The following AK7 variants were observed in gnomAD, a reference collection of about 807,000 sequenced individuals.
AK7 encodes adenylate kinase 7.
Under a neutral mutation model 96.6 loss-of-function variants are expected in AK7, and 78 were observed. The ratio of observed to expected loss-of-function variants is 0.81; its 90% CI spans 0.67 to 0.97. The LOEUF is 0.97. AK7 is among the 50% of genes least tolerant of loss of function. AK7 has a pLI of 0.00. For synonymous variants in AK7, 302 were observed against 317.2 expected (o/e 0.95, Z 0.51); for missense variants, 855 against 887.9 (o/e 0.96, Z 0.47).
chr14:96,402,217 ACAATTC>A (rs1890455940), intron 2 of AK7, among the ~76,000 whole-genome samples: 1 of 149,098 alleles, frequency 6.7e-6, no homozygotes, highest in African/African-American at 2.5e-5. Flanking sequence ...ACACACACAC[ACAATTC>A]TTCTTAGTAT....
At chr14:96,484,424 A>G (rs1380984518) in intron 16 of AK7, among the ~76,000 whole-genome samples, 1 of 152,212 alleles carries the variant, frequency 6.6e-6, no homozygotes, top group Non-Finnish European at 1.5e-5. Context: ...TCCAAACTGC[A>G]GACCCACTAT....
At chr14:96,479,961 A>G (rs1895421335) in intron 15 of AK7, among the ~76,000 whole-genome samples, 1 of 152,140 alleles carries the variant, frequency 6.6e-6, no homozygotes, top group Non-Finnish European at 1.5e-5. Flanking sequence ...AGCTAATTCC[A>G]ATTGTGGCTG....
At chr14:96,436,799 T>A (rs1892661846) in intron 5 of AK7, among the ~76,000 whole-genome samples, 1 of 152,154 alleles carries the variant, frequency 6.6e-6, no homozygotes, top group African/African-American at 2.4e-5. Context: ...TCTCTGGGAC[T>A]CCAGGGATGG....
intron 2 of AK7, among the ~76,000 whole-genome samples, chr14:96,401,467 G>A (rs187054224): frequency 2.2e-4 from 33 of 152,276 alleles, no homozygotes; most frequent in Middle Eastern, 3.4e-3. Context: ...GTCTTCCGTG[G>A]TTGAGTGGAG....
At chr14:96,440,356 C>G (rs1892898197) in intron 6 of AK7, among the ~76,000 whole-genome samples, 1 of 152,182 alleles carries the variant, frequency 6.6e-6, no homozygotes, top group Non-Finnish European at 1.5e-5. Flanking sequence ...CCATTCTCAG[C>G]TACTTCTCAC....
intron 12 of AK7, 107 bp downstream of exon 12, chr14:96,458,319 G>T: frequency 1.4e-6 from 2 of 1,405,704 alleles, no homozygotes; most frequent in Non-Finnish European, 1.9e-6. Flanking sequence ...ACTACAGGCG[G>T]GCGCCATGGC....
chr14:96,415,060 T>C (rs1566767955), intron 4 of AK7, among the ~76,000 whole-genome samples: 1 of 151,688 alleles, frequency 6.6e-6, no homozygotes, highest in Non-Finnish European at 1.5e-5. Flanking sequence ...TGGCTGAAGA[T>C]AAGGCTTTCA....
intron 15 of AK7, among the ~76,000 whole-genome samples, chr14:96,482,589 C>T (rs1352408995): frequency 6.6e-6 from 1 of 152,110 alleles, no homozygotes; most frequent in Non-Finnish European, 1.5e-5. Flanking sequence ...AAATGTATCC[C>T]AGTATCATTG....
At chr14:96,468,885 G>A (rs753268090) in intron 12 of AK7, among the ~76,000 whole-genome samples, 4 of 151,640 alleles carry the variant, frequency 2.6e-5, no homozygotes, top group African/African-American at 7.3e-5. Flanking sequence ...ATGTAGGAGG[G>A]CTGTGCTCAT....
intron 14 of AK7, among the ~76,000 whole-genome samples, chr14:96,476,698 T>C (rs1361724033): frequency 1.3e-5 from 2 of 152,128 alleles, no homozygotes; most frequent in African/African-American, 4.8e-5. Flanking sequence ...CTCTGAGTCA[T>C]AAAGAGAATG....
chr14:96,395,002 C>G (rs935331222), intron 1 of AK7, among the ~76,000 whole-genome samples: 1 of 152,072 alleles, frequency 6.6e-6, no homozygotes, highest in East Asian at 1.9e-4. Flanking sequence ...ATAGAGAAGA[C>G]AGTCGAAACT....
At chr14:96,480,017 C>T (rs537040960) in intron 15 of AK7, among the ~76,000 whole-genome samples, 1 of 152,270 alleles carries the variant, frequency 6.6e-6, no homozygotes, top group African/African-American at 2.4e-5. Context: ...ATCAGGCTTG[C>T]AGGATTGTTA....
chr14:96,436,183 G>A (rs955010406), intron 5 of AK7, among the ~76,000 whole-genome samples: 1 of 152,098 alleles, frequency 6.6e-6, no homozygotes, highest in Non-Finnish European at 1.5e-5. Context: ...CAAGAAATGA[G>A]CCCTTTAGGC....
chr14:96,469,348 C>T (rs1241274663), intron 12 of AK7, among the ~76,000 whole-genome samples: 1 of 152,138 alleles, frequency 6.6e-6, no homozygotes, highest in Admixed American at 6.5e-5. Flanking sequence ...TGGCAAAACC[C>T]TGTCCCTACT....
intron 5 of AK7, among the ~76,000 whole-genome samples, chr14:96,435,036 A>G (rs1011305160): frequency 2.0e-5 from 3 of 152,118 alleles, no homozygotes; most frequent in Non-Finnish European, 4.4e-5. Flanking sequence ...AGGTCCAGAA[A>G]TGCCATTCAA....
rs1050431889 is a variant in AK7, at chr14:96,437,922, C to T, written c.690+7C>T. On this transcript the variant is annotated splice_region_variant and intron_variant, in intron 6 of 17. Transcript: ENST00000267584. ...GTTACACACATTTTTTAAGGTATGG[C>T]TTTCAATGATGACGTGGAATGTTTA... 6.2e-7 allele frequency: 1 copy of T among 1,610,500 alleles called. No individual in the cohort carries two copies. Among genetic ancestry groups the T allele is most frequent in the Admixed American group, 1.7e-5 (1 of 59,746 alleles).
At chr14:96,434,912 C>T (rs1892558921) in intron 5 of AK7, among the ~76,000 whole-genome samples, 2 of 152,158 alleles carry the variant, frequency 1.3e-5, no homozygotes, top group South Asian at 2.1e-4. Flanking sequence ...GCTGATGTTC[C>T]CTTAGGGTCC....
intron 15 of AK7, among the ~76,000 whole-genome samples, chr14:96,480,649 T>C (rs185555264): frequency 5.9e-5 from 9 of 151,990 alleles, no homozygotes; most frequent in Admixed American, 3.3e-4. Flanking sequence ...TTCAGAAAAA[T>C]AGTGATTGTC....
intron 12 of AK7, among the ~76,000 whole-genome samples, chr14:96,468,697 C>CGAAG (rs1894721050): frequency 6.6e-6 from 1 of 152,182 alleles, no homozygotes; most frequent in Non-Finnish European, 1.5e-5. Flanking sequence ...AGGTTGTCAT[C>CGAAG]TCAAATGCCG....
Sources: gnomAD v4.1 joint callset for allele counts (sites outside exome capture counted in the v4.1 genomes callset) on GRCh38, gnomAD v4.1.1 for gene constraint, MANE v1.5 for transcripts, NCBI Gene and HGNC (gene_info 2026-07-23, HGNC 2026-07-21) for gene names.